Variants in SSBP3 observed in about 807,000 individuals in gnomAD.
SSBP3 encodes single-stranded DNA-binding protein 3.
Under a neutral mutation model 69.6 loss-of-function variants are expected in SSBP3, and 5 were observed. The observed-to-expected ratio is 0.07, with a 90% CI of 0.04 to 0.15. The LOEUF (loss-of-function observed/expected upper bound fraction) is 0.15, where lower values mean the gene tolerates loss of function less well. Ranked by LOEUF, SSBP3 falls within the 10% of genes least tolerant of loss-of-function variation. The pLI, the probability that SSBP3 is intolerant of heterozygous loss-of-function variation, is 1.00. For missense variants in SSBP3, 312 were observed against 534.0 expected, an observed-to-expected ratio of 0.58 and a Z score of 4.10; for synonymous variants, 196 against 193.4, an observed-to-expected ratio of 1.01 and a Z score of -0.11.
intron 7 of SSBP3, among the ~76,000 whole-genome samples, chr1:54,254,004 GGACA>G (rs1228948816): frequency 6.6e-6 from 1 of 152,228 alleles, no homozygotes; most frequent in African/African-American, 2.4e-5. Flanking sequence ...CCTGAGACAG[GGACA>G]GACAGTCTGG....
intron 4 of SSBP3, among the ~76,000 whole-genome samples, chr1:54,324,966 A>C (rs1224642363): frequency 1.3e-5 from 2 of 152,206 alleles, no homozygotes; most frequent in Admixed American, 1.3e-4. Flanking sequence ...GCTCTGCTCT[A>C]CCAAGAGGAG....
chr1:54,336,517 C>G (rs563736907), intron 4 of SSBP3, among the ~76,000 whole-genome samples: 4 of 152,280 alleles, frequency 2.6e-5, no homozygotes, highest in South Asian at 4.2e-4. Context: ...CTCCCAAGCC[C>G]ACGGAGCCAA....
intron 4 of SSBP3, among the ~76,000 whole-genome samples, chr1:54,371,082 A>G (rs1010381469): frequency 3.3e-5 from 5 of 152,260 alleles, no homozygotes; most frequent in African/African-American, 1.2e-4. Flanking sequence ...AAGACCACCC[A>G]AGGGGGGGTA....
At chr1:54,279,686 G>T (rs1248125717) in intron 5 of SSBP3, among the ~76,000 whole-genome samples, 1 of 152,164 alleles carries the variant, frequency 6.6e-6, no homozygotes, top group Non-Finnish European at 1.5e-5. Context: ...TTCCCAACTG[G>T]ACAGAACGCC....
chr1:54,239,921 A>C lies in SSBP3; in HGVS notation c.857-722T>G, dbSNP rs1179665617. 5.3e-5 allele frequency among the ~76,000 whole-genome samples: 8 copies of C among 152,260 alleles called. No individual in the cohort carries two copies. The East Asian group carries it at 1.4e-3, about 26-fold the overall frequency. ...GTTTCTATCAGGAGCAGGCGCTGTA[A>C]TTCTTGGGCAGAAATCCAGCTACCT... On this transcript the variant is annotated intron_variant, in intron 13 of 17. Transcript: ENST00000610401.
intron 4 of SSBP3, among the ~76,000 whole-genome samples, chr1:54,399,716 TTAAC>T (rs1649158111): frequency 6.6e-6 from 1 of 152,086 alleles, no homozygotes; most frequent in Non-Finnish European, 1.5e-5. Context: ...GGAATGAAGG[TTAAC>T]TAGACTGTAG....
intron 4 of SSBP3, among the ~76,000 whole-genome samples, chr1:54,334,557 T>C (rs1358337508): frequency 6.6e-6 from 1 of 152,184 alleles, no homozygotes; most frequent in East Asian, 1.9e-4. Flanking sequence ...CGCCACTTTC[T>C]TGCAGTTTAA....
intron 4 of SSBP3, among the ~76,000 whole-genome samples, chr1:54,294,781 T>C (rs1182916480): frequency 1.3e-5 from 2 of 152,100 alleles, no homozygotes; most frequent in African/African-American, 4.8e-5. Flanking sequence ...GAGTGTCTGC[T>C]CCACTGGCCC....
chr1:54,405,129 C>A (rs969660070), intron 1 of SSBP3, among the ~76,000 whole-genome samples, 199 bp from the exon 2 acceptor site: 2 of 152,174 alleles, frequency 1.3e-5, no homozygotes, highest in African/African-American at 4.8e-5. Context: ...GAACGCGTTA[C>A]CTCAAGCGGT....
chr1:54,381,342 C>T (rs1453189133), intron 4 of SSBP3, among the ~76,000 whole-genome samples: 1 of 128,238 alleles, frequency 7.8e-6, no homozygotes, highest in African/African-American at 3.0e-5. Context: ...GATATCGTGA[C>T]ACTGTACTCC....
intron 3 of SSBP3, among the ~76,000 whole-genome samples, chr1:54,404,168 G>A (rs577569353): frequency 6.6e-6 from 1 of 151,956 alleles, no homozygotes; most frequent in Non-Finnish European, 1.5e-5. Flanking sequence ...GTGAGCTCCC[G>A]AGGAGAAAAA....
At chr1:54,389,889 A>ATT (rs11407049) in intron 4 of SSBP3, among the ~76,000 whole-genome samples, 80 of 143,706 alleles carry the variant, frequency 5.6e-4, no homozygotes, top group African/African-American at 1.6e-3. Flanking sequence ...AAAAAAAAAA[A>ATT]TTTTTTTTTT....
At chr1:54,308,516 G>A (rs889502469) in intron 4 of SSBP3, among the ~76,000 whole-genome samples, 4 of 151,546 alleles carry the variant, frequency 2.6e-5, no homozygotes, top group Admixed American at 6.6e-5. Context: ...CAGGAGAATG[G>A]CGTGAACCCG....
In SSBP3 at chr1:54,245,335, G is replaced by A. The variant is rs569563344; in HGVS notation, c.652-2036C>T. On this transcript the variant is annotated intron_variant, in intron 9 of 17. Coordinates refer to ENST00000610401, the Ensembl canonical transcript of SSBP3. ...AGAAAGTTTTGCCTCAAGTTGCAGT[G>A]AGCAAATGGACAGCTAGGATTTAAG... Among the ~76,000 whole-genome samples, 552 of 152,310 alleles carry A rather than the reference G, an allele frequency of 3.6e-3. 4 individuals carry two copies. Among genetic ancestry groups the A allele is most frequent in the Non-Finnish European group, 5.5e-3 (372 of 68,028 alleles).
chr1:54,276,886 C>A (rs1038805981), intron 5 of SSBP3, among the ~76,000 whole-genome samples: 1 of 152,124 alleles, frequency 6.6e-6, no homozygotes. Context: ...TTCTAGACAC[C>A]ATCTCAGCCA....
At chr1:54,379,931 G>T (rs1341870162) in intron 4 of SSBP3, among the ~76,000 whole-genome samples, 1 of 152,200 alleles carries the variant, frequency 6.6e-6, no homozygotes, top group Non-Finnish European at 1.5e-5. Context: ...CTCACACTGG[G>T]AGCGCACTCA....
intron 4 of SSBP3, chr1:54,356,527 G>T (rs567531931): frequency 6.6e-6 from 1 of 152,242 alleles, no homozygotes; most frequent in African/African-American, 2.4e-5. Context: ...ACAGAACAGC[G>T]CGGGCCCTTC....
chr1:54,290,102 C>A (rs1645577026), intron 4 of SSBP3, among the ~76,000 whole-genome samples: 1 of 152,208 alleles, frequency 6.6e-6, no homozygotes, highest in South Asian at 2.1e-4. Context: ...AAACCACAGC[C>A]CCAGCTCTTG....
intron 4 of SSBP3, among the ~76,000 whole-genome samples, chr1:54,349,173 T>G (rs969658970): frequency 6.6e-6 from 1 of 152,206 alleles, no homozygotes; most frequent in Non-Finnish European, 1.5e-5. Flanking sequence ...AGAGCCACTA[T>G]GGAGGAGAGA....
Sources: gnomAD v4.1 joint callset for allele counts (sites outside exome capture counted in the v4.1 genomes callset) on GRCh38, gnomAD v4.1.1 for gene constraint, MANE v1.5 for transcripts, NCBI Gene and HGNC (gene_info 2026-07-23, HGNC 2026-07-21) for gene names.